The following JAKMIP1 variants were observed in gnomAD, a reference collection of about 807,000 sequenced individuals.
JAKMIP1 encodes janus kinase and microtubule-interacting protein 1.
JAKMIP1 carries 33 observed loss-of-function variants against 113.0 expected under a neutral mutation model. The ratio of observed to expected loss-of-function variants is 0.29; its 90% confidence interval spans 0.22 to 0.39. The LOEUF (loss-of-function observed/expected upper bound fraction) is 0.39. JAKMIP1 is among the 10% of genes least tolerant of loss of function. The pLI, the probability that JAKMIP1 is intolerant of heterozygous loss-of-function variation, is 1.00. For missense variants in JAKMIP1, 813 were observed against 1,080.5 expected (o/e 0.75, Z 3.47); for synonymous variants, 480 against 459.9 (o/e 1.04, Z -0.56).
intron 1 of JAKMIP1, among the ~76,000 whole-genome samples, chr4:6,146,128 G>A (rs1245199995): frequency 1.3e-5 from 2 of 150,184 alleles, no homozygotes; most frequent in Admixed American, 6.7e-5. Flanking sequence ...TAAGATGCAT[G>A]AACCTTGAGG....
chr4:6,142,460 A>G lies in JAKMIP1; in HGVS notation c.-147-29463T>C, dbSNP rs1720297030. ...CCAAAGTCTTACATGAACTTGTCAC[A>G]TGAGAGAAGTCCTACGTACACTCAG... On this transcript the variant is annotated intron_variant, in intron 1 of 20. Transcript: ENST00000409021. The surrounding 1 kb of genome is among the most constrained non-coding windows in gnomAD (Gnocchi z 5.5). 6.6e-6 allele frequency among the ~76,000 whole-genome samples: 1 copy of G among 152,246 alleles called. No individual in the cohort carries two copies. The highest frequency in any genetic ancestry group is 2.4e-5 in the African/African-American group (1 of 41,466).
rs532585386 is a variant in JAKMIP1 at position 6,158,436 on chromosome 4, T to C, written c.-148+41817A>G. 6.6e-6 allele frequency among the ~76,000 whole-genome samples: 1 copy of C among 152,200 alleles called. No individual in the cohort carries two copies. The highest frequency in any genetic ancestry group is 1.5e-5 in the Non-Finnish European group (1 of 68,040). ...AGGCAGGACCCCTGCGATGTTCACC[T>C]GGCCACCCACAGCACAGGCCTGGCT... is the stretch of plus-strand genomic sequence containing the variant. On this transcript the variant is annotated intron_variant, in intron 1 of 20. Transcript: ENST00000409021. This position sits in a 1 kb window ranked among gnomAD's most constrained non-coding sequence, Gnocchi z 5.3.
At chr4:6,095,626 G>A (rs1027670650) in intron 3 of JAKMIP1, among the ~76,000 whole-genome samples, 5 of 152,164 alleles carry the variant, frequency 3.3e-5, no homozygotes, top group Admixed American at 6.5e-5. Flanking sequence ...GGCAGCAAAC[G>A]CGGATGCAAT....
chr4:6,059,320 C>T lies in JAKMIP1; in HGVS notation c.1644+1104G>A, dbSNP rs567915594. On this transcript the variant is annotated intron_variant, in intron 11 of 20. Transcript: ENST00000409021. The surrounding 1 kb of genome is among the most constrained non-coding windows in gnomAD (Gnocchi z 4.8). The stretch of plus-strand genomic sequence containing the variant: ...ACCTCAGTCTCAACCCCGAGCCCTG[C>T]GGCAGCCATTCTGAGCTGCCAGCTT... 1.2e-4 allele frequency among the ~76,000 whole-genome samples: 18 copies of T among 152,314 alleles called. No individual in the cohort carries two copies. The highest frequency in any genetic ancestry group is 2.9e-4 in the African/African-American group (12 of 41,580).
chr4:6,027,276 T>A (rs6853173), intron 20 of JAKMIP1, among the ~76,000 whole-genome samples: 3,168 of 152,190 alleles, frequency 0.021, 102 homozygotes, highest in African/African-American at 0.069. Context: ...CAAGGTAATA[T>A]CTCCCTATAT....
Position 6,040,733 on chromosome 4 carries a change from C to T in JAKMIP1, c.2098-17G>A, listed in dbSNP as rs147648875. The T allele has an allele frequency of 3.5e-3, 5,611 of 1,605,226 alleles. 19 individuals are homozygous for T. The highest frequency in any genetic ancestry group is 4.3e-3 in the Non-Finnish European group (5,040 of 1,172,872). ...GAACAGGTCCTGAGAAAGAGGGAGGCGCCATCAGGGACCAGCGTCAGAACA... is the reference window on the plus strand; with the variant it reads ...GAACAGGTCCTGAGAAAGAGGGAGGTGCCATCAGGGACCAGCGTCAGAACA... On this transcript the variant is annotated splice_polypyrimidine_tract_variant and intron_variant, in intron 17 of 20. Coordinates refer to ENST00000409021, the MANE Select transcript of JAKMIP1 (RefSeq NM_001099433.2). This position sits in a 1 kb window ranked among gnomAD's most constrained non-coding sequence, Gnocchi z 5.8.
chr4:6,081,766 A>T lies in JAKMIP1; in HGVS notation c.955-11T>A. 1 of 1,614,146 alleles carries T rather than the reference A, an allele frequency of 6.2e-7. No homozygotes were observed. On this transcript the variant is annotated splice_polypyrimidine_tract_variant and intron_variant, in intron 5 of 20. Coordinates refer to ENST00000409021, the MANE Select transcript of JAKMIP1 (RefSeq NM_001099433.2). This position sits in a 1 kb window ranked among gnomAD's most constrained non-coding sequence, Gnocchi z 4.6. Reference sequence around the variant, plus strand: ...TCGTGAGCGTTTCAGCTGTGGTTGGAAACAGACACAGAGGCTCAGACAACT... The same window carrying T: ...TCGTGAGCGTTTCAGCTGTGGTTGGTAACAGACACAGAGGCTCAGACAACT...
chr4:6,183,127 C>A lies in JAKMIP1; in HGVS notation c.-148+17126G>T, dbSNP rs1435074377. On this transcript the variant is annotated intron_variant, in intron 1 of 20. Transcript: ENST00000409021. The surrounding 1 kb of genome is among the most constrained non-coding windows in gnomAD (Gnocchi z 5.3). ...ACATGATACAGGCAGATAACAATACCACAGATATCTAGACACACAGATACA... is the reference window on the plus strand; with the variant it reads ...ACATGATACAGGCAGATAACAATACAACAGATATCTAGACACACAGATACA... Among the ~76,000 whole-genome samples the A allele has an allele frequency of 6.6e-6, 1 of 152,160 alleles. No homozygotes were observed. Among genetic ancestry groups the A allele is most frequent in the Non-Finnish European group, 1.5e-5 (1 of 68,024 alleles).
chr4:6,151,151 C>T (rs954859538), intron 1 of JAKMIP1, among the ~76,000 whole-genome samples: 7 of 152,208 alleles, frequency 4.6e-5, no homozygotes, highest in Non-Finnish European at 8.8e-5. Flanking sequence ...AACTGTGACA[C>T]GGCCATAGCA....
In JAKMIP1 at chr4:6,199,234, A is replaced by C. The variant is rs989208554; in HGVS notation, c.-148+1019T>G. 2.0e-5 allele frequency among the ~76,000 whole-genome samples: 3 copies of C among 152,230 alleles called. No individual in the cohort carries two copies. The highest frequency in any genetic ancestry group is 2.9e-5 in the Non-Finnish European group (2 of 68,028). On this transcript the variant is annotated intron_variant, in intron 1 of 20. Coordinates refer to ENST00000409021, the MANE Select transcript of JAKMIP1 (RefSeq NM_001099433.2). This position sits in a 1 kb window ranked among gnomAD's most constrained non-coding sequence, Gnocchi z 5.6. ...GTTAGATACAGTATCGCTGGAGCTC[A>C]GAGAGCCGGGCAGAGGCTGGCGGAG...
intron 19 of JAKMIP1, among the ~76,000 whole-genome samples, chr4:6,034,185 A>C (rs1713103263): frequency 6.6e-6 from 1 of 151,566 alleles, no homozygotes; most frequent in Non-Finnish European, 1.5e-5. Context: ...AGTGGTCTGC[A>C]CTTATTGACA....
chr4:6,105,094 GT>G (rs1713679847), intron 3 of JAKMIP1, among the ~76,000 whole-genome samples: 1 of 152,034 alleles, frequency 6.6e-6, no homozygotes, highest in Non-Finnish European at 1.5e-5. Flanking sequence ...CAATTTATAT[GT>G]TTCCCTTGCT....
intron 1 of JAKMIP1, among the ~76,000 whole-genome samples, chr4:6,152,603 T>C (rs1359696702): frequency 2.0e-5 from 3 of 152,068 alleles, no homozygotes; most frequent in Admixed American, 1.3e-4. Flanking sequence ...ATCCCAATAC[T>C]CAACACTTCA....
intron 8 of JAKMIP1, among the ~76,000 whole-genome samples, chr4:6,074,876 G>A (rs990585558): frequency 1.3e-5 from 2 of 152,194 alleles, no homozygotes; most frequent in South Asian, 2.1e-4. Flanking sequence ...AGTAGCATGC[G>A]GCACAGGCTT....
At chr4:6,152,570 T>C (rs1721701477) in intron 1 of JAKMIP1, among the ~76,000 whole-genome samples, 1 of 152,094 alleles carries the variant, frequency 6.6e-6, no homozygotes, top group Admixed American at 6.6e-5. Flanking sequence ...CTTTAACCCC[T>C]ATATTTAAAC....
Position 6,141,822 on chromosome 4 carries a change from G to A in JAKMIP1, c.-147-28825C>T, listed in dbSNP as rs536464332. On this transcript the variant is annotated intron_variant, in intron 1 of 20. Coordinates refer to ENST00000409021, the MANE Select transcript of JAKMIP1 (RefSeq NM_001099433.2). The surrounding 1 kb of genome is among the most constrained non-coding windows in gnomAD (Gnocchi z 9.4). ...GCCACTGAGCAGCCCGGTGGGAGCG[G>A]AAGTTGATGTGGAAACCACTCATTT... Among the ~76,000 whole-genome samples, 1 of 152,336 alleles carries A rather than the reference G, an allele frequency of 6.6e-6. No individual in the cohort carries two copies. The highest frequency in any genetic ancestry group is 2.4e-5 in the African/African-American group (1 of 41,580).
At position 6,061,748 on chromosome 4, in the gene JAKMIP1, C is replaced by T. The variant is rs1717314104; in HGVS notation, c.1560+564G>A. Among the ~76,000 whole-genome samples the T allele has an allele frequency of 6.6e-6, 1 of 152,184 alleles. No homozygotes were observed. The highest frequency in any genetic ancestry group is 2.1e-4 in the South Asian group (1 of 4,820). ...GTGCTCTCCGGGAGTCCTCCACACTCCCAGGAGGAAGCGAGAGCAGGCCCC... is the reference window on the plus strand; with the variant it reads ...GTGCTCTCCGGGAGTCCTCCACACTTCCAGGAGGAAGCGAGAGCAGGCCCC... On this transcript the variant is annotated intron_variant, in intron 10 of 20. Coordinates refer to ENST00000409021, the MANE Select transcript of JAKMIP1 (RefSeq NM_001099433.2). This position sits in a 1 kb window ranked among gnomAD's most constrained non-coding sequence, Gnocchi z 5.3.
At position 6,140,175 on chromosome 4, in the gene JAKMIP1, A is replaced by G. The variant is rs1189456644; in HGVS notation, c.-147-27178T>C. Among the ~76,000 whole-genome samples, 1 of 152,106 alleles carries G rather than the reference A, an allele frequency of 6.6e-6. No homozygotes were observed. Among genetic ancestry groups the G allele is most frequent in the Non-Finnish European group, 1.5e-5 (1 of 68,026 alleles). On this transcript the variant is annotated intron_variant, in intron 1 of 20. Coordinates refer to ENST00000409021, the MANE Select transcript of JAKMIP1 (RefSeq NM_001099433.2). The surrounding 1 kb of genome is among the most constrained non-coding windows in gnomAD (Gnocchi z 9.4). ...ATACACACAGGGGAGAAAGGCTGAC[A>G]GCGGCAGAAACAATCAATGTTCACG...
intron 1 of JAKMIP1, among the ~76,000 whole-genome samples, chr4:6,132,449 C>A (rs1298385476): frequency 6.6e-6 from 1 of 152,064 alleles, no homozygotes; most frequent in Non-Finnish European, 1.5e-5. Flanking sequence ...CAAGACCAGC[C>A]TGGCCAACAT....
Sources: allele counts gnomAD v4.1 joint callset (sites outside exome capture counted in the v4.1 genomes callset), GRCh38; gene constraint gnomAD v4.1.1; non-coding constraint Gnocchi (gnomAD v3.1); transcripts MANE v1.5; gene names NCBI Gene and HGNC (gene_info 2026-07-23, HGNC 2026-07-21).